Variants in GBX1 observed in about 807,000 individuals in gnomAD.
GBX1 encodes the protein gastrulation brain homeobox 1.
Under a neutral mutation model 22.9 loss-of-function variants are expected in GBX1, and 9 were observed. The ratio of observed to expected loss-of-function variants is 0.39; its 90% CI spans 0.24 to 0.69. The LOEUF (loss-of-function observed/expected upper bound fraction) is 0.69. Ranked by LOEUF, GBX1 falls within the 30% of genes least tolerant of loss-of-function variation. The pLI is 0.43. For synonymous variants in GBX1, 203 were observed against 227.3 expected (o/e 0.89, Z 0.96); for missense variants, 494 against 509.2 (o/e 0.97, Z 0.29).
intron 1 of GBX1, among the ~76,000 whole-genome samples, chr7:151,163,455 G>A (rs1163583108): frequency 2.0e-5 from 3 of 151,986 alleles, no homozygotes; most frequent in Non-Finnish European, 4.4e-5. Context: ...TGTTGAATAC[G>A]GTCACCACTG....
intron 1 of GBX1, among the ~76,000 whole-genome samples, chr7:151,154,165 C>A (rs540785583): frequency 1.3e-5 from 2 of 151,880 alleles, no homozygotes; most frequent in Non-Finnish European, 2.9e-5. Context: ...GAGCAGAGAG[C>A]GCGCCACTGC....
Position 151,161,427 on chromosome 7 carries a change from G to T in GBX1, c.538+5584C>A, listed in dbSNP as rs556444979. On this transcript the variant is annotated intron_variant, in intron 1 of 1. Coordinates refer to ENST00000297537, the MANE Select transcript of GBX1 (RefSeq NM_001098834.3). ...ATCCTCCTAATAAAATTTTCCTGTTGTCACTCCTGAGGTCTATCTCTGATC... is the reference window on the plus strand; with the variant it reads ...ATCCTCCTAATAAAATTTTCCTGTTTTCACTCCTGAGGTCTATCTCTGATC... Among the ~76,000 whole-genome samples, 13 of 152,200 alleles carry T rather than the reference G, an allele frequency of 8.5e-5. No homozygotes were observed. In the South Asian group the frequency reaches 2.5e-3, roughly 29 times the overall value.
At chr7:151,160,670 T>C (rs993099529) in intron 1 of GBX1, among the ~76,000 whole-genome samples, 2 of 152,240 alleles carry the variant, frequency 1.3e-5, no homozygotes, top group Admixed American at 1.3e-4. Flanking sequence ...TCAACTTGTG[T>C]AGGCCACTCC....
chr7:151,160,472 T>C (rs1661404021), intron 1 of GBX1, among the ~76,000 whole-genome samples: 1 of 152,220 alleles, frequency 6.6e-6, no homozygotes, highest in African/African-American at 2.4e-5. Flanking sequence ...GTCAGAAGTA[T>C]TTTCCTGTTC....
chr7:151,167,687 C>T lies in GBX1; in HGVS notation c.-139G>A, dbSNP rs1391467069. On this transcript the variant is annotated 5_prime_UTR_variant, in exon 1 of 2. Transcript: ENST00000297537. This position sits in a 1 kb window ranked among gnomAD's most constrained non-coding sequence, Gnocchi z 5.9. ...AGGTGGCGGCGGGGCGCGGGCTCGG[C>T]GCAGTGTGGCTCCGGCGCCGCGCTC... The T allele has an allele frequency of 6.9e-6, 6 of 866,400 alleles. No homozygotes were observed. The highest frequency in any genetic ancestry group is 8.6e-6 in the Non-Finnish European group (6 of 698,824). 53.7% of individuals were successfully genotyped at this position (866,400 alleles called of 1,614,324 possible). A position where few individuals can be genotyped will look rare whatever the true frequency, so the allele number is the denominator to read the frequency against.
At position 151,167,075 on chromosome 7, in the gene GBX1, C is replaced by G. The variant is rs1455539815; in HGVS notation, c.474G>C (p.Glu158Asp). ...GAGGTGGTGGGGGCTCTGCCACTTT[C>G]TCCCGGGCCGGCAGCAGCTCATCAG... ...LEADELLPAR[E>D]KVAEPPPPPP... The change falls in exon 1 of 2, where the codon GAG becomes GAC. Residue 158 changes from glutamate (E) to aspartate (D), a missense_variant. Transcript: ENST00000297537. This position sits in a 1 kb window ranked among gnomAD's most constrained non-coding sequence, Gnocchi z 5.9. 3 of 1,602,626 alleles carry G rather than the reference C, an allele frequency of 1.9e-6. No homozygotes were observed. The highest frequency in any genetic ancestry group is 2.6e-6 in the Non-Finnish European group (3 of 1,176,274).
At chr7:151,164,563 A>T (rs1329279243) in intron 1 of GBX1, among the ~76,000 whole-genome samples, 1 of 152,144 alleles carries the variant, frequency 6.6e-6, no homozygotes, top group Admixed American at 6.5e-5. Context: ...CTCATTCCTC[A>T]TGCTCTTTGA....
intron 1 of GBX1, among the ~76,000 whole-genome samples, chr7:151,154,533 A>G (rs1424399221): frequency 6.6e-6 from 1 of 152,236 alleles, no homozygotes; most frequent in Admixed American, 6.5e-5. Flanking sequence ...GGTTGAGTCT[A>G]ATCTGTGAAA....
Position 151,167,237 on chromosome 7 carries a change from C to G in GBX1, c.312G>C (p.Ala104=), listed in dbSNP as rs760428173. Residue 104 remains alanine, a synonymous_variant, in exon 1 of 2, where the codon GCG becomes GCC. Transcript: ENST00000297537. The surrounding 1 kb of genome is among the most constrained non-coding windows in gnomAD (Gnocchi z 5.9). ...AVPSMVALTT[A]LPSFAEPPDA... ...CGGGCGGCTCCGCGAAGCTGGGCAG[C>G]GCGGTGGTCAGCGCCACCATCGAGG... 2.6e-6 allele frequency: 4 copies of G among 1,552,622 alleles called. No individual in the cohort carries two copies. In the South Asian group the frequency reaches 4.7e-5, roughly 18 times the overall value.
intron 1 of GBX1, 98 bp from the exon 2 acceptor site, chr7:151,149,240 G>A: frequency 8.4e-7 from 1 of 1,192,408 alleles, no homozygotes; most frequent in Non-Finnish European, 1.2e-6. Flanking sequence ...GGGGGGTTGG[G>A]AGACAAGAGC....
At position 151,161,288 on chromosome 7, in the gene GBX1, A is replaced by G. The variant is rs1342905160; in HGVS notation, c.538+5723T>C. On this transcript the variant is annotated intron_variant, in intron 1 of 1. Coordinates refer to ENST00000297537, the MANE Select transcript of GBX1 (RefSeq NM_001098834.3). ...AAGTATAAGAATCCTCCTCCTAATCATCTATTATATATATCTCCATATTTA... is the reference window on the plus strand; with the variant it reads ...AAGTATAAGAATCCTCCTCCTAATCGTCTATTATATATATCTCCATATTTA... Among the ~76,000 whole-genome samples, 3 of 152,048 alleles carry G rather than the reference A, an allele frequency of 2.0e-5. No individual in the cohort carries two copies. In the South Asian group the frequency reaches 6.2e-4, roughly 32 times the overall value.
At chr7:151,151,742 C>T (rs773119832) in intron 1 of GBX1, among the ~76,000 whole-genome samples, 8 of 152,174 alleles carry the variant, frequency 5.3e-5, no homozygotes, top group Admixed American at 6.5e-5. Context: ...CCCTATCTCC[C>T]GCTTCCAACT....
rs903335488 is a variant in GBX1, at chr7:151,167,557, G to C, written c.-9C>G. The C allele has an allele frequency of 7.0e-7, 1 of 1,420,942 alleles. No homozygotes were observed. Among genetic ancestry groups the C allele is most frequent in the Admixed American group, 3.7e-5 (1 of 27,378 alleles). The allele number at this position is 1,420,942 out of a possible 1,614,324, so 88.0% of individuals were successfully genotyped here. On this transcript the variant is annotated 5_prime_UTR_variant, in exon 1 of 2. Coordinates refer to ENST00000297537, the MANE Select transcript of GBX1 (RefSeq NM_001098834.3). This position sits in a 1 kb window ranked among gnomAD's most constrained non-coding sequence, Gnocchi z 5.9. ...CCTCCGGCCCGCTGCATCTTGTTCG[G>C]AGCTGCGGCCGCCCCGGGGCGCTCC...
In GBX1 at chr7:151,167,100, G is replaced by A; in HGVS notation, c.449C>T (p.Ala150Val). Residue 150 changes from alanine (A) to valine (V), a missense_variant, in exon 1 of 2, where the codon GCT (alanine) becomes GTT (valine). By Grantham distance (64) the Ala-to-Val change is moderately conservative (BLOSUM62 0). Transcript: ENST00000297537. The surrounding 1 kb of genome is among the most constrained non-coding windows in gnomAD (Gnocchi z 5.9). ...GGRRPEGGLE[A>V]DELLPAREKV... ...CTCCCGGGCCGGCAGCAGCTCATCA[G>A]CTTCCAGCCCACCCTCTGGGCGTCG... is the stretch of plus-strand genomic sequence containing the variant. The A allele has an allele frequency of 6.2e-7, 1 of 1,604,174 alleles. No individual in the cohort carries two copies. The highest frequency in any genetic ancestry group is 8.5e-7 in the Non-Finnish European group (1 of 1,176,784).
intron 1 of GBX1, among the ~76,000 whole-genome samples, chr7:151,157,646 G>C (rs536297221): frequency 2.0e-5 from 3 of 152,190 alleles, no homozygotes; most frequent in African/African-American, 7.2e-5. Context: ...GTTTTTGTCT[G>C]CCCAGCATAC....
intron 1 of GBX1, among the ~76,000 whole-genome samples, chr7:151,165,796 G>T (rs1413426013): frequency 6.6e-6 from 1 of 152,230 alleles, no homozygotes; most frequent in Admixed American, 6.5e-5. Context: ...GGGTCTGAAA[G>T]AGTGATTAAC....
intron 1 of GBX1, among the ~76,000 whole-genome samples, chr7:151,159,121 G>A (rs559850514): frequency 4.7e-5 from 7 of 147,754 alleles, no homozygotes; most frequent in East Asian, 2.0e-4. Context: ...GTCTCACTCC[G>A]TTACCCAGGC....
Position 151,148,898 on chromosome 7 carries a change from G to C in GBX1, c.783C>G (p.Ser261Arg). Residue 261 changes from serine to arginine, a missense_variant, in exon 2 of 2, where the codon AGC becomes AGG. Ser to Arg is a moderately radical substitution (Grantham distance 110, BLOSUM62 -1). Coordinates refer to ENST00000297537, the MANE Select transcript of GBX1 (RefSeq NM_001098834.3). The surrounding 1 kb of genome is among the most constrained non-coding windows in gnomAD (Gnocchi z 5.1). ...TGGTAAATGCTGTGCGGCGCCGTCG[G>C]CTTTTCCCCCCAGGAGCTGTGACCC... ...TAGVTAPGGK[S>R]RRRRTAFTSE... is the part of the protein sequence containing the mutation. The C allele has an allele frequency of 6.2e-7, 1 of 1,614,114 alleles. No homozygotes were observed. Among genetic ancestry groups the C allele is most frequent in the Non-Finnish European group, 8.5e-7 (1 of 1,180,024 alleles).
At chr7:151,161,443 A>G (rs988128350) in intron 1 of GBX1, among the ~76,000 whole-genome samples, 2 of 152,054 alleles carry the variant, frequency 1.3e-5, no homozygotes, top group South Asian at 2.1e-4. Flanking sequence ...CCTGAGGTCT[A>G]TCTCTGATCC....
Sources: gnomAD v4.1 joint callset for allele counts (sites outside exome capture counted in the v4.1 genomes callset) on GRCh38, gnomAD v4.1.1 for gene constraint, Gnocchi (gnomAD v3.1) non-coding constraint, MANE v1.5 for transcripts, NCBI Gene and HGNC (gene_info 2026-07-23, HGNC 2026-07-21) for gene names.